TMEM135: variants seen among roughly 807,000 people sequenced by gnomAD.
The protein encoded by TMEM135 is peroxisomal membrane protein 52.
TMEM135 carries 30 observed loss-of-function variants against 60.3 expected under a neutral mutation model. That is an observed-to-expected ratio of 0.50 (90% CI 0.37 to 0.68). TMEM135 has a LOEUF of 0.68. Among genes scored for constraint, TMEM135 ranks in the 30% least tolerant of loss-of-function variants. The probability of loss-of-function intolerance (pLI) is 0.00; values close to 1 mark genes in which losing one functional copy is unlikely to be tolerated. For synonymous variants in TMEM135, 190 were observed against 186.7 expected, an observed-to-expected ratio of 1.02 and a Z score of -0.14; for missense variants, 468 against 548.8, an observed-to-expected ratio of 0.85 and a Z score of 1.47.
intron 3 of TMEM135, among the ~76,000 whole-genome samples, chr11:87,089,815 T>C (rs983716215): frequency 7.9e-5 from 12 of 152,144 alleles, no homozygotes; most frequent in African/African-American, 2.7e-4. Context: ...TGGGAACTAA[T>C]GGTGAGAACT....
intron 5 of TMEM135, among the ~76,000 whole-genome samples, chr11:87,181,167 T>C (rs936579188): frequency 6.6e-6 from 1 of 152,090 alleles, no homozygotes; most frequent in African/African-American, 2.4e-5. Flanking sequence ...AATCCAAATA[T>C]ATTAAAATAC....
chr11:87,251,633 A>G (rs750883587), intron 6 of TMEM135, among the ~76,000 whole-genome samples: 173 of 152,156 alleles, frequency 1.1e-3, no homozygotes, highest in Non-Finnish European at 2.0e-3. Flanking sequence ...ATATATATGT[A>G]TATAAATTTC....
At chr11:87,269,275 T>G (rs1941813671) in intron 6 of TMEM135, among the ~76,000 whole-genome samples, 1 of 139,708 alleles carries the variant, frequency 7.2e-6, no homozygotes. Flanking sequence ...GAAGTTTGCT[T>G]TAGGGTTTTT....
chr11:87,057,603 T>G (rs990408241), intron 1 of TMEM135, among the ~76,000 whole-genome samples: 17 of 152,196 alleles, frequency 1.1e-4, no homozygotes, highest in Non-Finnish European at 5.9e-5. Flanking sequence ...TCATATGAGA[T>G]AGTGCACATA....
Position 87,157,451 on chromosome 11 carries a change from T to A in TMEM135, c.462+45T>A, listed in dbSNP as rs755432973. 1.8e-5 allele frequency: 28 copies of A among 1,539,450 alleles called. 1 individual carries two copies. Among genetic ancestry groups the A allele is most frequent in the South Asian group, 3.4e-5 (3 of 88,194 alleles). On this transcript the variant is annotated intron_variant, in intron 5 of 14. Coordinates refer to ENST00000305494, the MANE Select transcript of TMEM135 (RefSeq NM_022918.4). ...ATAGTTATTAGTTGTTAATTTATAG[T>A]TTGCGATTTTAAAATATAAAATGTG...
At chr11:87,212,593 G>A (rs1940396632) in intron 5 of TMEM135, among the ~76,000 whole-genome samples, 1 of 151,984 alleles carries the variant, frequency 6.6e-6, no homozygotes, top group Non-Finnish European at 1.5e-5. Context: ...AGGCCGAGGT[G>A]GGTGGATCAC....
chr11:87,099,311 T>TA (rs1206270603), intron 4 of TMEM135, among the ~76,000 whole-genome samples: 5 of 151,542 alleles, frequency 3.3e-5, no homozygotes, highest in East Asian at 3.9e-4. Flanking sequence ...ATACTGTATT[T>TA]AAAAAAAAAT....
intron 6 of TMEM135, among the ~76,000 whole-genome samples, chr11:87,281,949 A>G (rs553462317): frequency 6.6e-6 from 1 of 152,306 alleles, no homozygotes; most frequent in South Asian, 2.1e-4. Context: ...TTTTTTGTTA[A>G]AAGGCATTGA....
Position 87,323,470 on chromosome 11 carries a change from G to A in TMEM135, c.*2137G>A. The A allele has an allele frequency of 6.6e-6, 3 of 453,922 alleles. No homozygotes were observed. Among genetic ancestry groups the A allele is most frequent in the Non-Finnish European group, 1.3e-5 (3 of 226,722 alleles). 28.1% of individuals were successfully genotyped at this position (453,922 alleles called of 1,614,324 possible). A position where few individuals can be genotyped will look rare whatever the true frequency, so the allele number is the denominator to read the frequency against. On this transcript the variant is annotated 3_prime_UTR_variant, in exon 15 of 15. Transcript: ENST00000305494. Reference sequence around the variant, plus strand: ...TACCTTTCTACCTCTAACTAATCAGGTATTGATTGACAACTTTTTGGCATT... The same window carrying A: ...TACCTTTCTACCTCTAACTAATCAGATATTGATTGACAACTTTTTGGCATT...
intron 5 of TMEM135, among the ~76,000 whole-genome samples, chr11:87,158,622 C>T (rs892857013): frequency 2.6e-4 from 35 of 135,542 alleles, no homozygotes; most frequent in Non-Finnish European, 3.6e-4. Flanking sequence ...CCACAACGCC[C>T]GGCTAATTTT....
At chr11:87,170,637 T>C (rs923128830) in intron 5 of TMEM135, among the ~76,000 whole-genome samples, 1 of 152,144 alleles carries the variant, frequency 6.6e-6, no homozygotes, top group East Asian at 1.9e-4. Context: ...ACAGCAAAGA[T>C]TGCTGCGTGT....
At chr11:87,181,597 T>C (rs564082341) in intron 5 of TMEM135, among the ~76,000 whole-genome samples, 4 of 152,252 alleles carry the variant, frequency 2.6e-5, no homozygotes, top group African/African-American at 9.6e-5. Flanking sequence ...AGGGAAGGGT[T>C]GATTACAAAG....
intron 5 of TMEM135, among the ~76,000 whole-genome samples, chr11:87,197,865 A>T (rs1410361607): frequency 6.6e-6 from 1 of 152,140 alleles, no homozygotes; most frequent in African/African-American, 2.4e-5. Flanking sequence ...TTATTGGGAA[A>T]ACAGTTAAAT....
intron 6 of TMEM135, among the ~76,000 whole-genome samples, chr11:87,264,226 G>A (rs987766442): frequency 6.8e-6 from 1 of 146,766 alleles, no homozygotes; most frequent in Non-Finnish European, 1.5e-5. Flanking sequence ...AGATGTCTAT[G>A]ATCTCTGTCT....
chr11:87,097,844 A>T (rs1429182125), intron 4 of TMEM135, among the ~76,000 whole-genome samples: 1 of 152,096 alleles, frequency 6.6e-6, no homozygotes, highest in African/African-American at 2.4e-5. Context: ...GAGGCCTTCC[A>T]CATCTATCTC....
chr11:87,234,658 ATAT>A lies in TMEM135; in HGVS notation c.463-1975_463-1973del, dbSNP rs202195108. ...ATTCTTCTAAATAATTCGAAGTATGATATTATTCTCAGTTTATAGATAAGGGGT... is the reference window on the plus strand; with the variant it reads ...ATTCTTCTAAATAATTCGAAGTATGATATTCTCAGTTTATAGATAAGGGGT... On this transcript the variant is annotated intron_variant, in intron 5 of 14. Transcript: ENST00000305494. 9.2e-5 allele frequency among the ~76,000 whole-genome samples: 14 copies of A among 152,124 alleles called. No homozygotes were observed. In the East Asian group the frequency reaches 2.7e-3, roughly 29 times the overall value.
chr11:87,101,659 A>G (rs989824861), intron 4 of TMEM135, among the ~76,000 whole-genome samples: 3 of 152,196 alleles, frequency 2.0e-5, no homozygotes, highest in African/African-American at 7.2e-5. Flanking sequence ...TCTGTATTTG[A>G]TTTTTCAAAC....
At chr11:87,242,131 T>C (rs1941150250) in intron 6 of TMEM135, among the ~76,000 whole-genome samples, 1 of 151,174 alleles carries the variant, frequency 6.6e-6, no homozygotes, top group African/African-American at 2.4e-5. Context: ...GATAGTTTAC[T>C]GAGAATGATG....
intron 6 of TMEM135, among the ~76,000 whole-genome samples, chr11:87,286,396 C>G (rs1048774349): frequency 2.6e-5 from 4 of 152,258 alleles, no homozygotes; most frequent in African/African-American, 9.6e-5. Flanking sequence ...CATATACAAT[C>G]CTCTGGCTAG....
Sources: allele counts gnomAD v4.1 joint callset (sites outside exome capture counted in the v4.1 genomes callset), GRCh38; gene constraint gnomAD v4.1.1; transcripts MANE v1.5; gene names NCBI Gene and HGNC (gene_info 2026-07-23, HGNC 2026-07-21).